The following ALKBH5 variants were observed in gnomAD, a reference collection of about 807,000 sequenced individuals.
ALKBH5 encodes RNA demethylase ALKBH5.
ALKBH5 carries 2 observed loss-of-function variants against 32.1 expected under a neutral mutation model. The ratio of observed to expected loss-of-function variants is 0.06; its 90% CI spans 0.03 to 0.20. ALKBH5 has a LOEUF of 0.20. Among genes scored for constraint, ALKBH5 ranks in the 10% least tolerant of loss-of-function variants. ALKBH5 has a pLI of 1.00. For synonymous variants in ALKBH5, 300 were observed against 231.7 expected (o/e 1.29, Z -2.68); for missense variants, 352 against 559.5 (o/e 0.63, Z 3.74).
rs1311566426 is a variant in ALKBH5 at position 18,184,819 on chromosome 17, C to G, written c.576C>G (p.Ile192Met). 1 of 1,614,194 alleles carries G rather than the reference C, an allele frequency of 6.2e-7. No individual in the cohort carries two copies. Among genetic ancestry groups the G allele is most frequent in the Admixed American group, 1.7e-5 (1 of 60,038 alleles). Residue 192 changes from isoleucine to methionine, a missense_variant, in exon 1 of 4, where the codon ATC (isoleucine) becomes ATG (methionine). Transcript: ENST00000399138. ...IPEGFVNSAV[I>M]NDYQPGGCIV... ...AGGGCTTCGTCAACAGCGCCGTCAT[C>G]AACGACTACCAGCCCGGCGGCTGCA... is the stretch of plus-strand genomic sequence containing the variant.
chr17:18,187,769 A>G (rs896272935), intron 1 of ALKBH5, among the ~76,000 whole-genome samples: 7 of 152,168 alleles, frequency 4.6e-5, no homozygotes, highest in Non-Finnish European at 8.8e-5. Context: ...TACAGATCCT[A>G]GCCCAGAGGT....
At chr17:18,191,482 G>A (rs994547086) in intron 1 of ALKBH5, among the ~76,000 whole-genome samples, 3 of 152,194 alleles carry the variant, frequency 2.0e-5, no homozygotes, top group African/African-American at 7.2e-5. Context: ...ATGGGGTCAG[G>A]GAGCATGCGG....
intron 1 of ALKBH5, among the ~76,000 whole-genome samples, chr17:18,185,931 C>T (rs1034744135): frequency 6.6e-6 from 1 of 152,166 alleles, no homozygotes; most frequent in African/African-American, 2.4e-5. Context: ...AGGTTTAGAC[C>T]GCAGCTGTTC....
chr17:18,191,818 A>G (rs904963374), intron 1 of ALKBH5, among the ~76,000 whole-genome samples: 6 of 152,094 alleles, frequency 3.9e-5, no homozygotes, highest in African/African-American at 1.4e-4. Flanking sequence ...ACATACAAAA[A>G]TTAGCCTGTA....
rs2047284009 is a variant in ALKBH5 at position 18,208,489 on chromosome 17, T to G, written c.*93T>G. 1.2e-5 allele frequency: 6 copies of G among 494,900 alleles called. No homozygotes were observed. The highest frequency in any genetic ancestry group is 9.2e-5 in the African/African-American group (3 of 32,538). The allele number at this position is 494,900 out of a possible 1,614,324, so 30.7% of individuals were successfully genotyped here. On this transcript the variant is annotated 3_prime_UTR_variant, in exon 4 of 4. Transcript: ENST00000399138. ...GGTTTTGTTTTTGTTCATTGGGGGG[T>G]TTTTGTTTTTTGTTTTTTGTTTTTT... is the stretch of plus-strand genomic sequence containing the variant.
At chr17:18,193,126 G>C (rs2047186955) in intron 1 of ALKBH5, among the ~76,000 whole-genome samples, 1 of 151,928 alleles carries the variant, frequency 6.6e-6, no homozygotes, top group Admixed American at 6.6e-5. Flanking sequence ...CCAAAGTGCT[G>C]GGTGGGATTA....
intron 1 of ALKBH5, among the ~76,000 whole-genome samples, chr17:18,186,808 C>T (rs1231504954): frequency 6.6e-6 from 1 of 152,178 alleles, no homozygotes; most frequent in South Asian, 2.1e-4. Flanking sequence ...CTGAAAAGTG[C>T]TGCCCCAGGC....
At chr17:18,189,221 C>G (rs2047158899) in intron 1 of ALKBH5, among the ~76,000 whole-genome samples, 1 of 151,820 alleles carries the variant, frequency 6.6e-6, no homozygotes, top group Non-Finnish European at 1.5e-5. Flanking sequence ...ACTAAAAATA[C>G]AAAAAACAAA....
intron 2 of ALKBH5, among the ~76,000 whole-genome samples, chr17:18,201,794 A>AGATGGGATAGATAAGAT (rs1491101824): frequency 6.7e-5 from 9 of 134,414 alleles, no homozygotes; most frequent in African/African-American, 2.4e-4. Context: ...TAGGATAGAT[A>AGATGGGATAGATAAGAT]AGATAGATAG....
chr17:18,184,204 C>T lies in ALKBH5; in HGVS notation c.-40C>T, dbSNP rs976987049. 7.5e-6 allele frequency: 11 copies of T among 1,458,126 alleles called. No individual in the cohort carries two copies. The highest frequency in any genetic ancestry group is 6.0e-5 in the African/African-American group (4 of 66,910). 90.3% of individuals were successfully genotyped at this position (1,458,126 alleles called of 1,614,324 possible). On this transcript the variant is annotated 5_prime_UTR_variant, in exon 1 of 4. Transcript: ENST00000399138. ...CCCTTAGAGCCATGCCCGGCTGCCC[C>T]GCCCGCCCCGGAGGACCCTAGAGCA... is the stretch of plus-strand genomic sequence containing the variant.
intron 2 of ALKBH5, among the ~76,000 whole-genome samples, chr17:18,201,840 ATAGATAGATT>A (rs1567676771): frequency 5.1e-4 from 55 of 107,514 alleles, no homozygotes; most frequent in East Asian, 4.1e-3. Flanking sequence ...TAGATAGATG[ATAGATAGATT>A]GATTGATTGA....
intron 2 of ALKBH5, among the ~76,000 whole-genome samples, chr17:18,201,261 G>T (rs542142248): frequency 1.3e-5 from 2 of 152,206 alleles, no homozygotes; most frequent in African/African-American, 4.8e-5. Context: ...CTGTGTCCAC[G>T]TGCATACACC....
At chr17:18,194,887 T>G in intron 1 of ALKBH5, 68 bp from the exon 2 acceptor site, 4 of 1,420,724 alleles carry the variant, frequency 2.8e-6, no homozygotes, top group East Asian at 2.3e-5. Context: ...TCCTGTCCTG[T>G]TATATCCCCC....
intron 1 of ALKBH5, among the ~76,000 whole-genome samples, chr17:18,189,015 C>G (rs1286108795): frequency 6.6e-6 from 1 of 151,826 alleles, no homozygotes; most frequent in Non-Finnish European, 1.5e-5. Context: ...TGCAATGAGC[C>G]GAGATCGAGC....
In ALKBH5 at chr17:18,187,854, C is replaced by G. The variant is rs540389390; in HGVS notation, c.770+2841C>G. Among the ~76,000 whole-genome samples the G allele has an allele frequency of 8.9e-4, 136 of 152,134 alleles. 1 individual carries two copies. Among genetic ancestry groups the G allele is most frequent in the Non-Finnish European group, 1.8e-3 (120 of 68,028 alleles). ...GGTGCGGTGCAGATGGGGAGGGATT[C>G]TAGTAGTAGGCATCTTAGACTTCAG... is the stretch of plus-strand genomic sequence containing the variant. On this transcript the variant is annotated intron_variant, in intron 1 of 3. Coordinates refer to ENST00000399138, the MANE Select transcript of ALKBH5 (RefSeq NM_017758.4).
Position 18,209,433 on chromosome 17 carries a change from A to G in ALKBH5, c.*1037A>G, listed in dbSNP as rs1232607846. Reference sequence around the variant, plus strand: ...CTGCCCCATCTTGTCTGCCGGCAGCATGCATCCAAGGCCAGAGCTCAGGCC... The same window carrying G: ...CTGCCCCATCTTGTCTGCCGGCAGCGTGCATCCAAGGCCAGAGCTCAGGCC... On this transcript the variant is annotated 3_prime_UTR_variant, in exon 4 of 4. Coordinates refer to ENST00000399138, the MANE Select transcript of ALKBH5 (RefSeq NM_017758.4). 3.3e-5 allele frequency: 5 copies of G among 152,390 alleles called. No individual in the cohort carries two copies. Among genetic ancestry groups the G allele is most frequent in the East Asian group, 1.9e-4 (1 of 5,184 alleles). 9.4% of individuals were successfully genotyped at this position (152,390 alleles called of 1,614,324 possible). A position where few individuals can be genotyped will look rare whatever the true frequency, so the allele number is the denominator to read the frequency against.
chr17:18,208,410 C>T lies in ALKBH5; in HGVS notation c.*14C>T, dbSNP rs751683700. The T allele has an allele frequency of 1.2e-6, 2 of 1,610,662 alleles. No homozygotes were observed. Among genetic ancestry groups the T allele is most frequent in the Admixed American group, 1.7e-5 (1 of 59,120 alleles). ...CGGCGGCACTGAGTCTACCCGCCGC[C>T]CTCCTGGGAACTCTGGCTCATCCTT... is the stretch of plus-strand genomic sequence containing the variant. On this transcript the variant is annotated 3_prime_UTR_variant, in exon 4 of 4. Transcript: ENST00000399138.
At chr17:18,185,047 C>A in intron 1 of ALKBH5, 34 bp downstream of exon 1, 1 of 1,585,398 alleles carries the variant, frequency 6.3e-7, no homozygotes, top group Admixed American at 1.7e-5. Flanking sequence ...CGGCCCTGCG[C>A]CTGCTGCCTT....
intron 1 of ALKBH5, among the ~76,000 whole-genome samples, chr17:18,190,613 A>T (rs1278038943): frequency 6.6e-6 from 1 of 151,062 alleles, no homozygotes; most frequent in Non-Finnish European, 1.5e-5. Flanking sequence ...TCTTCTGAGG[A>T]GGGGCTTGCT....
Sources: allele counts gnomAD v4.1 joint callset (sites outside exome capture counted in the v4.1 genomes callset), GRCh38; gene constraint gnomAD v4.1.1; transcripts MANE v1.5; gene names NCBI Gene and HGNC (gene_info 2026-07-23, HGNC 2026-07-21).